Variants in ATP5MC2 observed in about 807,000 individuals in gnomAD.
The protein encoded by ATP5MC2 is ATP synthase F(0) complex subunit C2, mitochondrial.
In ATP5MC2, 11 loss-of-function variants were observed where a neutral mutation model predicts 13.5. The ratio of observed to expected loss-of-function variants is 0.81; its 90% CI spans 0.51 to 1.35. The LOEUF is 1.35. Ranked by LOEUF, ATP5MC2 falls within the 40% of genes most tolerant of loss-of-function variation. The pLI, the probability that ATP5MC2 is intolerant of heterozygous loss-of-function variation, is 0.00. For synonymous variants in ATP5MC2, 64 were observed against 69.7 expected (o/e 0.92, Z 0.41); for missense variants, 132 against 175.0 (o/e 0.75, Z 1.39).
intron 4 of ATP5MC2, among the ~76,000 whole-genome samples, chr12:53,668,698 T>C (rs1167211764): frequency 3.3e-5 from 5 of 152,128 alleles, no homozygotes; most frequent in Non-Finnish European, 7.4e-5. Flanking sequence ...AACTGAAAAC[T>C]GAAACTATGT....
intron 1 of ATP5MC2, among the ~76,000 whole-genome samples, chr12:53,674,350 C>A (rs1250101104): frequency 6.6e-6 from 1 of 152,098 alleles, no homozygotes; most frequent in Non-Finnish European, 1.5e-5. Flanking sequence ...TATAAACAAA[C>A]AAAAAAGATC....
chr12:53,675,784 G>A (rs142716795), intron 1 of ATP5MC2, among the ~76,000 whole-genome samples: 128 of 152,354 alleles, frequency 8.4e-4, no homozygotes, highest in African/African-American at 3.0e-3. Context: ...GGGTGGAACA[G>A]GTGAAAAGCA....
chr12:53,672,083 C>CAAAAAAAAAAAAAAAAAAAAAAAA (rs916010110), intron 2 of ATP5MC2, among the ~76,000 whole-genome samples: 20 of 47,166 alleles, frequency 4.2e-4, no homozygotes, highest in East Asian at 1.8e-3. Flanking sequence ...AACTCTGTCT[C>CAAAAAAAAAAAAAAAAAAAAAAAA]AAAAAAAAAA....
At chr12:53,676,193 C>T (rs775054705), upstream of ATP5MC2, 2 of 1,612,564 alleles carry the variant, frequency 1.2e-6, no homozygotes, top group Non-Finnish European at 8.5e-7. Flanking sequence ...GCTCAGGCAT[C>T]ACAGCGCCGC....
chr12:53,675,520 T>C (rs1321055451), intron 1 of ATP5MC2, among the ~76,000 whole-genome samples: 2 of 152,326 alleles, frequency 1.3e-5, no homozygotes, highest in Non-Finnish European at 2.9e-5. Context: ...TTTGGCTTTT[T>C]TTCCCACTTC....
chr12:53,677,473 A>C (rs1375573086), upstream of ATP5MC2: 2 of 152,244 alleles, frequency 1.3e-5, no homozygotes, highest in South Asian at 2.1e-4. Context: ...TCCATCTTGC[A>C]GGCGGGCGGC....
chr12:53,678,430 G>T (rs1181245630), upstream of ATP5MC2, among the ~76,000 whole-genome samples: 1 of 152,002 alleles, frequency 6.6e-6, no homozygotes, highest in Non-Finnish European at 1.5e-5. Flanking sequence ...ACTCAATTCT[G>T]CACTGCTACC....
At chr12:53,672,666 T>C in intron 1 of ATP5MC2, 21 bp from the exon 2 acceptor site, 3 of 1,558,934 alleles carry the variant, frequency 1.9e-6, no homozygotes, top group Non-Finnish European at 2.6e-6. Context: ...AGAAGCAGTA[T>C]TGTAAACGCT....
chr12:53,672,070 C>A, intron 2 of ATP5MC2, among the ~76,000 whole-genome samples: 1 of 62,686 alleles, frequency 1.6e-5, no homozygotes, highest in Admixed American at 2.3e-4. Flanking sequence ...GCAACAAGAG[C>A]GAAACTCTGT....
At chr12:53,671,712 C>G (rs894643287) in intron 2 of ATP5MC2, among the ~76,000 whole-genome samples, 2 of 152,150 alleles carry the variant, frequency 1.3e-5, no homozygotes, top group Non-Finnish European at 2.9e-5. Flanking sequence ...CATCTCTATT[C>G]TTCTCCTAAG....
Position 53,665,308 on chromosome 12 carries a change from G to C in ATP5MC2, c.*6C>G. On this transcript the variant is annotated 3_prime_UTR_variant, in exon 5 of 5. Coordinates refer to ENST00000394349, the MANE Select transcript of ATP5MC2 (RefSeq NM_005176.7). ...GGGAGAACTATGGGAGGTGGAGACG[G>C]CTCCTTCACATGGCAAAGAGGATGA... 1.9e-6 allele frequency: 3 copies of C among 1,605,416 alleles called. No individual in the cohort carries two copies. The South Asian group carries it at 3.3e-5, about 18-fold the overall frequency.
At chr12:53,676,938 TAGGCCTCCTTGTCTCCCAGAC>T (rs1565630521), upstream of ATP5MC2, 1 of 152,166 alleles carries the variant, frequency 6.6e-6, no homozygotes, top group Non-Finnish European at 1.5e-5. Flanking sequence ...TCATCTTTCC[TAGGCCTCCTTGTCTCCCAGAC>T]AGGACCTGCC....
At chr12:53,672,497 T>G in intron 2 of ATP5MC2, 79 bp downstream of exon 2, 1 of 1,430,586 alleles carries the variant, frequency 7.0e-7, no homozygotes, top group Non-Finnish European at 9.6e-7. Context: ...CCAGCCTTGC[T>G]GTGAAGAACA....
rs916010110 is a variant in ATP5MC2 at position 53,672,083 on chromosome 12, C to CAAAAAAAAAAAAAAAAAAAAAAAAAAAAA, written c.39+492_39+493insTTTTTTTTTTTTTTTTTTTTTTTTTTTTT. Among the ~76,000 whole-genome samples, 75 of 47,156 alleles carry CAAAAAAAAAAAAAAAAAAAAAAAAAAAAA rather than the reference C, an allele frequency of 1.6e-3. 5 individuals are homozygous for CAAAAAAAAAAAAAAAAAAAAAAAAAAAAA. Among genetic ancestry groups the CAAAAAAAAAAAAAAAAAAAAAAAAAAAAA allele is most frequent in the Non-Finnish European group, 2.2e-3 (57 of 26,092 alleles). 30.9% of individuals were successfully genotyped at this position (47,156 alleles called of 152,430 possible). ...GGGCAACAAGAGCGAAACTCTGTCTCAAAAAAAAAAAAAAAAAAAAAATTA... is the reference window on the plus strand; with the variant it reads ...GGGCAACAAGAGCGAAACTCTGTCTCAAAAAAAAAAAAAAAAAAAAAAAAAAAAAAAAAAAAAAAAAAAAAAAAAAATTA... On this transcript the variant is annotated intron_variant, in intron 2 of 4. Coordinates refer to ENST00000394349, the MANE Select transcript of ATP5MC2 (RefSeq NM_005176.7).
chr12:53,678,239 T>C (rs1419788773), upstream of ATP5MC2, among the ~76,000 whole-genome samples: 1 of 152,190 alleles, frequency 6.6e-6, no homozygotes, highest in Non-Finnish European at 1.5e-5. Flanking sequence ...ATAATAGTAC[T>C]TATCACACAG....
Position 53,665,548 on chromosome 12 carries a change from T to A in ATP5MC2, c.312-120A>T, listed in dbSNP as rs185977182. Reference sequence around the variant, plus strand: ...AGATTATCTCACATAATAAAGAAGCTTTTAGGGTAACACCATCATGCCCAA... The same window carrying A: ...AGATTATCTCACATAATAAAGAAGCATTTAGGGTAACACCATCATGCCCAA... On this transcript the variant is annotated intron_variant, in intron 4 of 4. Transcript: ENST00000394349. 7 of 854,202 alleles carry A rather than the reference T, an allele frequency of 8.2e-6. No homozygotes were observed. The African/African-American group carries it at 1.2e-4, about 15-fold the overall frequency. 52.9% of individuals were successfully genotyped at this position (854,202 alleles called of 1,614,324 possible). A position where few individuals can be genotyped will look rare whatever the true frequency, so the allele number is the denominator to read the frequency against.
chr12:53,679,825 C>T (rs954751956), upstream of ATP5MC2, among the ~76,000 whole-genome samples: 1 of 152,116 alleles, frequency 6.6e-6, no homozygotes, highest in Non-Finnish European at 1.5e-5. Flanking sequence ...GTAAACCTCC[C>T]TACTTCTAAA....
intron 4 of ATP5MC2, among the ~76,000 whole-genome samples, chr12:53,667,303 T>C (rs1289817620): frequency 1.3e-5 from 2 of 152,084 alleles, no homozygotes; most frequent in East Asian, 1.9e-4. Flanking sequence ...GCAGTGCCAG[T>C]TTTCCCAGGA....
In ATP5MC2 at chr12:53,675,859, C is replaced by A. The variant is rs186535234; in HGVS notation, c.-32+194G>T. Among the ~76,000 whole-genome samples, 13 of 152,326 alleles carry A rather than the reference C, an allele frequency of 8.5e-5. No homozygotes were observed. The East Asian group carries it at 2.5e-3, about 29-fold the overall frequency. The stretch of plus-strand genomic sequence containing the variant: ...TCCCCCTGCGAGACATCCAAGATGG[C>A]GCCAGGCCCGCGCGGTTGGAGGTCA... On this transcript the variant is annotated intron_variant, in intron 1 of 4. Coordinates refer to ENST00000394349, the MANE Select transcript of ATP5MC2 (RefSeq NM_005176.7).
Sources: gnomAD v4.1 joint callset for allele counts (sites outside exome capture counted in the v4.1 genomes callset) on GRCh38, gnomAD v4.1.1 for gene constraint, MANE v1.5 for transcripts, NCBI Gene and HGNC (gene_info 2026-07-23, HGNC 2026-07-21) for gene names.